The following STEAP4 variants were observed in gnomAD, a reference collection of about 807,000 sequenced individuals.
STEAP4 encodes the protein STEAP4 metalloreductase, also known as metalloreductase STEAP4.
Under a neutral mutation model 43.6 loss-of-function variants are expected in STEAP4, and 36 were observed. That is an observed-to-expected ratio of 0.83 (90% CI 0.63 to 1.09). STEAP4 has a LOEUF of 1.09. Among genes scored for constraint, STEAP4 ranks in the 50% least tolerant of loss-of-function variants. The pLI is 0.00. For synonymous variants in STEAP4, 191 were observed against 196.7 expected, an observed-to-expected ratio of 0.97 and a Z score of 0.24; for missense variants, 495 against 546.5, an observed-to-expected ratio of 0.91 and a Z score of 0.94.
intron 1 of STEAP4, among the ~76,000 whole-genome samples, chr7:88,306,083 G>A (rs985374124): frequency 6.6e-6 from 1 of 152,186 alleles, no homozygotes; most frequent in Non-Finnish European, 1.5e-5. Flanking sequence ...TGGCCAGGCT[G>A]GTCTCGAACT....
At chr7:88,305,634 T>C (rs181397393) in intron 1 of STEAP4, among the ~76,000 whole-genome samples, 34 of 152,344 alleles carry the variant, frequency 2.2e-4, no homozygotes, top group African/African-American at 7.9e-4. Context: ...GGGAAGAGAC[T>C]CTTCCCCCGA....
chr7:88,302,639 T>C (rs576607506), intron 1 of STEAP4, among the ~76,000 whole-genome samples: 1 of 152,264 alleles, frequency 6.6e-6, no homozygotes, highest in Non-Finnish European at 1.5e-5. Flanking sequence ...GCTCTGTTCT[T>C]AATGCATTTT....
intron 1 of STEAP4, among the ~76,000 whole-genome samples, chr7:88,306,110 C>G (rs1184281019): frequency 6.6e-6 from 1 of 152,210 alleles, no homozygotes. Context: ...CTCAAGTGAT[C>G]CATCGGCCTT....
chr7:88,291,829 T>C (rs539294833), intron 1 of STEAP4, among the ~76,000 whole-genome samples: 1 of 152,286 alleles, frequency 6.6e-6, no homozygotes, highest in East Asian at 1.9e-4. Flanking sequence ...TCTCCTTCCT[T>C]CAGTCTCATG....
chr7:88,299,230 C>T (rs1459805144), intron 1 of STEAP4, among the ~76,000 whole-genome samples: 1 of 152,110 alleles, frequency 6.6e-6, no homozygotes, highest in Non-Finnish European at 1.5e-5. Flanking sequence ...ATACATGTTG[C>T]CACATTTCGA....
At chr7:88,279,783 C>G in intron 4 of STEAP4, 155 bp from the exon 5 acceptor site, 1 of 620,242 alleles carries the variant, frequency 1.6e-6, no homozygotes, top group Non-Finnish European at 2.8e-6. Flanking sequence ...AGCACTAACC[C>G]TTCTTCAGGA....
chr7:88,305,192 T>C (rs10249055), intron 1 of STEAP4, among the ~76,000 whole-genome samples: 151,182 of 152,286 alleles, frequency 0.99, 75,045 homozygotes, highest in Middle Eastern at 1. Flanking sequence ...TCAGTGGAAC[T>C]GTAAACGTTA....
rs1181179232 is a variant in STEAP4, at chr7:88,274,213, C to T, written c.*5185G>A. The T allele has an allele frequency of 3.3e-5, 5 of 152,124 alleles. No individual in the cohort carries two copies. The highest frequency in any genetic ancestry group is 5.9e-5 in the Non-Finnish European group (4 of 68,038). 9.4% of individuals were successfully genotyped at this position (152,124 alleles called of 1,614,324 possible). A position where few individuals can be genotyped will look rare whatever the true frequency, so the allele number is the denominator to read the frequency against. On this transcript the variant is annotated 3_prime_UTR_variant, in exon 5 of 5. Coordinates refer to ENST00000380079, the MANE Select transcript of STEAP4 (RefSeq NM_024636.4). ...CTGATAAATAAGGATAAGAAGAGAACCTTAGAGAACTGTTATGAGGATTAA... is the reference window on the plus strand; with the variant it reads ...CTGATAAATAAGGATAAGAAGAGAATCTTAGAGAACTGTTATGAGGATTAA...
intron 1 of STEAP4, among the ~76,000 whole-genome samples, chr7:88,304,680 T>C (rs950674064): frequency 1.1e-4 from 17 of 151,728 alleles, no homozygotes; most frequent in African/African-American, 4.1e-4. Context: ...GCTAGCAACT[T>C]ATCAGATTTC....
At chr7:88,300,026 C>T (rs1025746225) in intron 1 of STEAP4, among the ~76,000 whole-genome samples, 2 of 152,224 alleles carry the variant, frequency 1.3e-5, no homozygotes, top group Admixed American at 1.3e-4. Context: ...TGAGACCCAT[C>T]AGATGGAGCT....
chr7:88,285,096 T>C (rs1852705443), intron 1 of STEAP4, among the ~76,000 whole-genome samples: 1 of 152,018 alleles, frequency 6.6e-6, no homozygotes, highest in African/African-American at 2.4e-5. Context: ...TAGATCAAAC[T>C]TTAAAAACTG....
Position 88,273,504 on chromosome 7 carries a change from G to A in STEAP4, c.*5894C>T, listed in dbSNP as rs921784031. The A allele has an allele frequency of 9.4e-6, 1 of 106,790 alleles. No individual in the cohort carries two copies. The highest frequency in any genetic ancestry group is 2.3e-5 in the Non-Finnish European group (1 of 42,716). 6.6% of individuals were successfully genotyped at this position (106,790 alleles called of 1,614,324 possible). The stretch of plus-strand genomic sequence containing the variant: ...TATAGGTAATGGAACTAAGCCTGGT[G>A]TGTGTGTGTGTGTGTGTGTGTAACC... On this transcript the variant is annotated 3_prime_UTR_variant, in exon 5 of 5. Coordinates refer to ENST00000380079, the MANE Select transcript of STEAP4 (RefSeq NM_024636.4).
chr7:88,295,911 A>AT (rs1160891682), intron 1 of STEAP4, among the ~76,000 whole-genome samples: 1 of 152,018 alleles, frequency 6.6e-6, no homozygotes, highest in Admixed American at 6.6e-5. Flanking sequence ...CTTCCTTACA[A>AT]TTTTTTCCTC....
intron 1 of STEAP4, among the ~76,000 whole-genome samples, chr7:88,298,095 C>A (rs905556476): frequency 3.9e-5 from 6 of 151,916 alleles, no homozygotes; most frequent in Non-Finnish European, 1.5e-5. Flanking sequence ...GTGCCATTGT[C>A]AAGTAAAAAA....
chr7:88,285,869 G>A (rs912492597), intron 1 of STEAP4, among the ~76,000 whole-genome samples: 2 of 151,558 alleles, frequency 1.3e-5, no homozygotes, highest in Non-Finnish European at 2.9e-5. Context: ...GATAAAAATA[G>A]CATCTCAGGT....
In STEAP4 at chr7:88,276,816, A is replaced by G. The variant is rs1852519623; in HGVS notation, c.*2582T>C. 6.5e-6 allele frequency: 1 copy of G among 152,692 alleles called. No homozygotes were observed. Among genetic ancestry groups the G allele is most frequent in the African/African-American group, 2.4e-5 (1 of 41,442 alleles). The allele number at this position is 152,692 out of a possible 1,614,324, so 9.5% of individuals were successfully genotyped here. ...GCTTGGAGCACTTGTGGTTGGGGCC[A>G]AAGGTCAGGTCTGGAAATGCAGCTA... is the stretch of plus-strand genomic sequence containing the variant. On this transcript the variant is annotated 3_prime_UTR_variant, in exon 5 of 5. Transcript: ENST00000380079.
rs770926993 is a variant in STEAP4, at chr7:88,282,644, G to C, written c.981C>G (p.Thr327=). ...AAATATATAAGAAGAGATTTACCTG[G>C]GTAACGGTTAAGTTTCCCAATCTCC... ...VRWRLGNLTV[T]QAILKKENPF... Residue 327 remains threonine, a synonymous_variant, in exon 3 of 5, where the codon ACC becomes ACG. Coordinates refer to ENST00000380079, the MANE Select transcript of STEAP4 (RefSeq NM_024636.4). 1 of 1,611,636 alleles carries C rather than the reference G, an allele frequency of 6.2e-7. No homozygotes were observed. The highest frequency in any genetic ancestry group is 1.1e-5 in the South Asian group (1 of 90,966).
At chr7:88,293,701 T>A (rs1852878369) in intron 1 of STEAP4, among the ~76,000 whole-genome samples, 12 of 152,188 alleles carry the variant, frequency 7.9e-5, no homozygotes, top group Admixed American at 7.9e-4. Flanking sequence ...TATCCTTATT[T>A]TTTGCTGAAT....
intron 1 of STEAP4, among the ~76,000 whole-genome samples, chr7:88,294,988 C>T (rs990603479): frequency 1.3e-5 from 2 of 152,178 alleles, no homozygotes; most frequent in African/African-American, 4.8e-5. Flanking sequence ...TGTTTCTTAG[C>T]TCACCTAATT....
Sources: gnomAD v4.1 joint callset for allele counts (sites outside exome capture counted in the v4.1 genomes callset) on GRCh38, gnomAD v4.1.1 for gene constraint, MANE v1.5 for transcripts, NCBI Gene and HGNC (gene_info 2026-07-23, HGNC 2026-07-21) for gene names.